Variants in STRN3 observed in about 807,000 individuals in gnomAD.
STRN3 encodes the protein striatin-3.
In STRN3, 29 loss-of-function variants were observed where a neutral mutation model predicts 95.6. That is an observed-to-expected ratio of 0.30 (90% confidence interval 0.23 to 0.41). The LOEUF (loss-of-function observed/expected upper bound fraction) is 0.41. Ranked by LOEUF, STRN3 falls within the 10% of genes least tolerant of loss-of-function variation. STRN3 has a pLI of 1.00. For synonymous variants in STRN3, 331 were observed against 357.6 expected (o/e 0.93, Z 0.84); for missense variants, 890 against 972.1 (o/e 0.92, Z 1.12).
At position 30,895,349 on chromosome 14, in the gene STRN3, G is replaced by T; in HGVS notation, c.*62C>A. On this transcript the variant is annotated 3_prime_UTR_variant, in exon 18 of 18. Coordinates refer to ENST00000357479, the MANE Select transcript of STRN3 (RefSeq NM_001083893.2). ...TGTCATATCAGTAACCTTTCTGATG[G>T]CAGTGATGCAGACCCTCTTTCTGTC... The T allele has an allele frequency of 6.7e-7, 1 of 1,487,684 alleles. No individual in the cohort carries two copies. The highest frequency in any genetic ancestry group is 9.0e-7 in the Non-Finnish European group (1 of 1,112,844). 92.2% of individuals were successfully genotyped at this position (1,487,684 alleles called of 1,614,324 possible).
chr14:30,994,349 G>A (rs773697408), intron 1 of STRN3, among the ~76,000 whole-genome samples: 7 of 152,086 alleles, frequency 4.6e-5, no homozygotes, highest in South Asian at 2.1e-4. Flanking sequence ...CTTTAAAATC[G>A]TTTAGAACTC....
At chr14:30,990,311 C>T (rs978236650) in intron 1 of STRN3, among the ~76,000 whole-genome samples, 1 of 151,540 alleles carries the variant, frequency 6.6e-6, no homozygotes, top group Admixed American at 6.6e-5. Context: ...TATAGGTGCC[C>T]GCCACCAGCA....
At chr14:31,014,512 G>A (rs1322147075) in intron 1 of STRN3, 11 of 343,824 alleles carry the variant, frequency 3.2e-5, no homozygotes, top group Non-Finnish European at 4.6e-5. Flanking sequence ...GAGCCACTGC[G>A]CCCGGCCAAA....
chr14:31,013,810 G>A (rs1883085912), intron 1 of STRN3, among the ~76,000 whole-genome samples: 1 of 150,436 alleles, frequency 6.6e-6, no homozygotes, highest in Non-Finnish European at 1.5e-5. Context: ...GCCCAGGCTG[G>A]TCTCGAACTC....
At chr14:30,910,783 T>C (rs186517267) in intron 13 of STRN3, among the ~76,000 whole-genome samples, 12 of 152,244 alleles carry the variant, frequency 7.9e-5, no homozygotes, top group African/African-American at 2.9e-4. Flanking sequence ...TCCTCCTTCT[T>C]TTTGTAACTA....
intron 1 of STRN3, among the ~76,000 whole-genome samples, chr14:30,957,318 T>C (rs1879964577): frequency 6.6e-6 from 1 of 151,694 alleles, no homozygotes; most frequent in Admixed American, 6.6e-5. Flanking sequence ...CCAGGCGTAG[T>C]GGTGGGTGCC....
Position 30,956,206 on chromosome 14 carries a change from G to T in STRN3, c.319C>A (p.Gln107Lys). Residue 107 changes from glutamine to lysine, a missense_variant, in exon 2 of 18, where the codon CAA becomes AAA. Gln to Lys is a moderately conservative substitution (Grantham distance 53). Transcript: ENST00000357479. ...IAFLQGERKGQENLKKDLVRR... is the reference protein window; with the variant it reads ...IAFLQGERKGKENLKKDLVRR... ...ACTAAGTCCTTCTTCAGGTTCTCTT[G>T]ACCTTTTCTTTCGCCTTGTAGAAAT... is the stretch of plus-strand genomic sequence containing the variant. 1.2e-6 allele frequency: 2 copies of T among 1,613,802 alleles called. No individual in the cohort carries two copies. The highest frequency in any genetic ancestry group is 1.1e-5 in the South Asian group (1 of 91,062).
intron 16 of STRN3, 115 bp from the exon 17 acceptor site, chr14:30,895,863 G>A: frequency 7.2e-6 from 6 of 836,938 alleles, no homozygotes; most frequent in Admixed American, 5.9e-5. Context: ...TTTTTATTGT[G>A]GTAAAATATA....
Position 30,894,893 on chromosome 14 carries a change from CTTTTTT to C in STRN3, c.*512_*517del, listed in dbSNP as rs34255465. 1.9e-5 allele frequency: 14 copies of C among 741,878 alleles called. No homozygotes were observed. The highest frequency in any genetic ancestry group is 2.3e-5 in the Non-Finnish European group (13 of 562,438). 46.0% of individuals were successfully genotyped at this position (741,878 alleles called of 1,614,324 possible). On this transcript the variant is annotated 3_prime_UTR_variant, in exon 18 of 18. Transcript: ENST00000357479. ...ATATTTTAAGTTAAATTTTCTTTTT[CTTTTTT>C]TTTTTTTTTAAAGCAAAATAAGTTT...
chr14:30,953,408 T>C (rs143083948), intron 3 of STRN3, among the ~76,000 whole-genome samples: 12 of 152,242 alleles, frequency 7.9e-5, no homozygotes, highest in Non-Finnish European at 1.5e-4. Flanking sequence ...GATTAAACCA[T>C]GTTGTCACAT....
rs566691272 is a variant in STRN3 at position 30,905,409 on chromosome 14, A to G, written c.2029+9T>C. On this transcript the variant is annotated intron_variant, in intron 15 of 17. Transcript: ENST00000357479. ...TTTAAGGTTTCAAAGAAACTCCATG[A>G]AAACTTACCAGAATCTACCTGTGAT... The G allele has an allele frequency of 6.3e-7, 1 of 1,589,472 alleles. No homozygotes were observed.
chr14:30,900,817 G>C (rs1217422436), intron 16 of STRN3, among the ~76,000 whole-genome samples: 2 of 151,550 alleles, frequency 1.3e-5, no homozygotes, highest in African/African-American at 2.4e-5. Flanking sequence ...TCATACTACA[G>C]GTAAGGTACT....
At chr14:30,899,727 T>C in intron 16 of STRN3, among the ~76,000 whole-genome samples, 1 of 151,996 alleles carries the variant, frequency 6.6e-6, no homozygotes, top group South Asian at 2.1e-4. Flanking sequence ...AAGGCAAAGC[T>C]TCATCTTGCA....
At chr14:30,922,005 G>T (rs1896896365) in intron 8 of STRN3, among the ~76,000 whole-genome samples, 1 of 151,938 alleles carries the variant, frequency 6.6e-6, no homozygotes. Flanking sequence ...TTCCGCCTCA[G>T]CCTGCCCAGT....
intron 1 of STRN3, among the ~76,000 whole-genome samples, chr14:30,997,184 G>GA (rs1882241363): frequency 6.6e-6 from 1 of 152,258 alleles, no homozygotes; most frequent in African/African-American, 2.4e-5. Flanking sequence ...ATGGAAAAAG[G>GA]AAATAACAGG....
intron 1 of STRN3, among the ~76,000 whole-genome samples, chr14:30,982,214 G>A (rs918268973): frequency 2.6e-5 from 4 of 151,030 alleles, no homozygotes; most frequent in African/African-American, 7.3e-5. Flanking sequence ...CCTAAAATAA[G>A]GTTTAATGAA....
At chr14:30,924,140 A>G (rs1323426336) in intron 8 of STRN3, among the ~76,000 whole-genome samples, 1 of 149,554 alleles carries the variant, frequency 6.7e-6, no homozygotes, top group African/African-American at 2.4e-5. Context: ...CATACATGAG[A>G]GTATCTTTGT....
At chr14:30,965,870 T>G (rs1443416560) in intron 1 of STRN3, among the ~76,000 whole-genome samples, 1 of 152,152 alleles carries the variant, frequency 6.6e-6, no homozygotes, top group African/African-American at 2.4e-5. Context: ...AGTTCTAAAT[T>G]TCTTTTCAAA....
intron 1 of STRN3, among the ~76,000 whole-genome samples, chr14:31,013,925 CAG>C (rs1220970543): frequency 7.8e-4 from 93 of 119,534 alleles, no homozygotes; most frequent in South Asian, 2.6e-3. Flanking sequence ...TTATTTGAGA[CAG>C]AGTGTCAGTC....
Sources: allele counts gnomAD v4.1 joint callset (sites outside exome capture counted in the v4.1 genomes callset), GRCh38; gene constraint gnomAD v4.1.1; transcripts MANE v1.5; gene names NCBI Gene and HGNC (gene_info 2026-07-23, HGNC 2026-07-21).